The following ARV1 variants were observed in gnomAD, a reference collection of about 807,000 sequenced individuals.
The protein encoded by ARV1 is protein ARV1.
In ARV1, 26 loss-of-function variants were observed where a neutral mutation model predicts 31.1. The ratio of observed to expected loss-of-function variants is 0.84; its 90% CI spans 0.61 to 1.16. ARV1 has a LOEUF of 1.16. Ranked by LOEUF, ARV1 falls within the 50% of genes most tolerant of loss-of-function variation. The pLI, the probability that ARV1 is intolerant of heterozygous loss-of-function variation, is 0.00. For missense variants in ARV1, 281 were observed against 324.9 expected (o/e 0.86, Z 1.04); for synonymous variants, 117 against 123.2 (o/e 0.95, Z 0.34).
chr1:230,979,653 GT>G (rs1678777991), intron 1 of ARV1: 1 of 239,922 alleles, frequency 4.2e-6, no homozygotes, highest in Non-Finnish European at 8.1e-6. Flanking sequence ...CACAACCCAT[GT>G]TGAATTCACC....
At chr1:230,987,756 A>C (rs1679123466) in intron 1 of ARV1, among the ~76,000 whole-genome samples, 1 of 152,090 alleles carries the variant, frequency 6.6e-6, no homozygotes, top group South Asian at 2.1e-4. Context: ...CTGGAGAAAA[A>C]CCCAGGCTTC....
chr1:230,983,596 G>C (rs1446375842), intron 1 of ARV1, among the ~76,000 whole-genome samples: 1 of 124,914 alleles, frequency 8.0e-6, no homozygotes, highest in Non-Finnish European at 1.7e-5. Flanking sequence ...ATGCAAAGAT[G>C]AATAAGACAC....
At chr1:230,987,243 G>A (rs548841131) in intron 1 of ARV1, among the ~76,000 whole-genome samples, 10 of 152,244 alleles carry the variant, frequency 6.6e-5, no homozygotes, top group South Asian at 6.2e-4. Flanking sequence ...TTCACATCCC[G>A]GACAGTGGAG....
At chr1:230,980,814 TC>T (rs1678888191) in intron 1 of ARV1, among the ~76,000 whole-genome samples, 1 of 151,818 alleles carries the variant, frequency 6.6e-6, no homozygotes, top group Non-Finnish European at 1.5e-5. Context: ...TGCTGCCACT[TC>T]CCCCTTTAGC....
intron 3 of ARV1, among the ~76,000 whole-genome samples, chr1:230,991,054 G>A (rs934397233): frequency 1.3e-5 from 2 of 152,124 alleles, no homozygotes; most frequent in African/African-American, 4.8e-5. Flanking sequence ...AGTGCATGCA[G>A]GGAATTTGGC....
chr1:230,984,070 T>TCC (rs1678982721), intron 1 of ARV1, among the ~76,000 whole-genome samples: 1 of 151,956 alleles, frequency 6.6e-6, no homozygotes, highest in Admixed American at 6.6e-5. Context: ...CCACCCCCTG[T>TCC]CCCCCACCCA....
At chr1:230,984,366 G>GTGCA (rs1373227799) in intron 1 of ARV1, among the ~76,000 whole-genome samples, 4 of 53,532 alleles carry the variant, frequency 7.5e-5, no homozygotes, top group African/African-American at 3.1e-4. Flanking sequence ...GTGTGTGCGT[G>GTGCA]TGTGTGTGTG....
intron 2 of ARV1, 50 bp from the exon 3 acceptor site, chr1:230,990,060 T>C (rs1157346356): frequency 6.5e-7 from 1 of 1,546,214 alleles, no homozygotes; most frequent in Non-Finnish European, 8.7e-7. Flanking sequence ...TTGATACTAG[T>C]GCAACTGGGT....
At chr1:230,981,029 C>G (rs1040756487) in intron 1 of ARV1, among the ~76,000 whole-genome samples, 6 of 152,186 alleles carry the variant, frequency 3.9e-5, no homozygotes, top group Non-Finnish European at 8.8e-5. Context: ...CATTTTACCT[C>G]ATTACTTCCT....
intron 2 of ARV1, among the ~76,000 whole-genome samples, chr1:230,989,180 C>T (rs1679164086): frequency 6.6e-6 from 1 of 152,102 alleles, no homozygotes; most frequent in African/African-American, 2.4e-5. Flanking sequence ...GCTCTGTCAC[C>T]CAGGCTGAAG....
In ARV1 at chr1:230,988,352, C is replaced by T. The variant is rs781446305; in HGVS notation, c.207C>T (p.Ile69=). 1.3e-5 allele frequency: 21 copies of T among 1,594,520 alleles called. No homozygotes were observed. In the South Asian group the frequency reaches 1.8e-4, roughly 14 times the overall value. The change falls in exon 2 of 6, where the codon ATC becomes ATT. Residue 69 remains isoleucine (I), a synonymous_variant. Transcript: ENST00000310256. ...GCCAGAAACCTGTAGACAAATATAT[C>T]GAGTATGATCCTGTTATCATCTTGA... ...KSCQKPVDKY[I]EYDPVIILIN...
intron 5 of ARV1, among the ~76,000 whole-genome samples, chr1:230,997,931 C>T (rs893368479): frequency 3.9e-5 from 6 of 152,194 alleles, no homozygotes; most frequent in African/African-American, 7.2e-5. Context: ...AGTGACCCTC[C>T]CATCAGAGGG....
chr1:230,993,561 A>G (rs1337405367), intron 3 of ARV1, among the ~76,000 whole-genome samples: 1 of 152,080 alleles, frequency 6.6e-6, no homozygotes, highest in African/African-American at 2.4e-5. Context: ...TAACTTTTTT[A>G]TGTGTCTTAG....
At position 231,000,388 on chromosome 1, in the gene ARV1, G is replaced by T. The variant is rs1333455889; in HGVS notation, c.*255G>T. 3 of 152,232 alleles carry T rather than the reference G, an allele frequency of 2.0e-5. No homozygotes were observed. Among genetic ancestry groups the T allele is most frequent in the Non-Finnish European group, 4.4e-5 (3 of 68,052 alleles). The allele number at this position is 152,232 out of a possible 1,614,324, so 9.4% of individuals were successfully genotyped here. A position where few individuals can be genotyped will look rare whatever the true frequency, so the allele number is the denominator to read the frequency against. ...CCACATGGACACAAGGAATGTTGCT[G>T]CAGAGACTGAATGACATGCAACAGG... On this transcript the variant is annotated 3_prime_UTR_variant, in exon 6 of 6. Coordinates refer to ENST00000310256, the MANE Select transcript of ARV1 (RefSeq NM_022786.3).
At chr1:230,998,594 T>C (rs1430849824) in intron 5 of ARV1, among the ~76,000 whole-genome samples, 1 of 152,108 alleles carries the variant, frequency 6.6e-6, no homozygotes, top group African/African-American at 2.4e-5. Flanking sequence ...CAGAGTCTCT[T>C]GAACCTATGC....
intron 1 of ARV1, chr1:230,979,629 C>T (rs1328824696): frequency 3.6e-6 from 1 of 278,632 alleles, no homozygotes; most frequent in Non-Finnish European, 6.8e-6. Flanking sequence ...AGAGATGGTA[C>T]CATCCTTACC....
chr1:230,991,319 C>T (rs1226255312), intron 3 of ARV1, among the ~76,000 whole-genome samples: 3 of 152,144 alleles, frequency 2.0e-5, no homozygotes, highest in East Asian at 1.9e-4. Flanking sequence ...TGTCTGCTCT[C>T]GCTCTCTTGG....
At chr1:230,996,035 T>C (rs749220047) in intron 4 of ARV1, 51 bp downstream of exon 4, 1 of 1,508,036 alleles carries the variant, frequency 6.6e-7, no homozygotes, top group Non-Finnish European at 9.1e-7. Context: ...CATAAAAAGC[T>C]TAAAGCCTTG....
chr1:230,985,829 C>G (rs1183955553), intron 1 of ARV1, among the ~76,000 whole-genome samples: 2 of 152,162 alleles, frequency 1.3e-5, no homozygotes, highest in East Asian at 3.8e-4. Context: ...ATTTCTGATT[C>G]TGGGGCTTCT....
Sources: allele counts gnomAD v4.1 joint callset (sites outside exome capture counted in the v4.1 genomes callset), GRCh38; gene constraint gnomAD v4.1.1; transcripts MANE v1.5; gene names NCBI Gene and HGNC (gene_info 2026-07-23, HGNC 2026-07-21).